RGS7: variants seen among roughly 807,000 people sequenced by gnomAD.
RGS7 encodes regulator of G-protein signaling 7.
A neutral mutation model predicts 81.1 loss-of-function variants in RGS7; 27 were observed. The ratio of observed to expected loss-of-function variants is 0.33; its 90% confidence interval spans 0.25 to 0.46. The LOEUF (loss-of-function observed/expected upper bound fraction) is 0.46. Among genes scored for constraint, RGS7 ranks in the 20% least tolerant of loss-of-function variants. RGS7 has a pLI of 1.00. For missense variants in RGS7, 396 were observed against 607.4 expected (o/e 0.65, Z 3.66); for synonymous variants, 208 against 207.7 (o/e 1.00, Z -0.01).
intron 2 of RGS7, among the ~76,000 whole-genome samples, chr1:241,248,404 A>G (rs144608407): frequency 0.012 from 1,759 of 148,048 alleles, 43 homozygotes; most frequent in African/African-American, 0.036. Context: ...ACATATGTAT[A>G]TATATATACA....
chr1:241,129,388 T>C (rs913493321), intron 2 of RGS7, among the ~76,000 whole-genome samples: 1 of 152,154 alleles, frequency 6.6e-6, no homozygotes, highest in Non-Finnish European at 1.5e-5. Flanking sequence ...TAAGTCAGAT[T>C]CTTTCCGTAT....
At chr1:241,270,523 C>T (rs1205807091) in intron 2 of RGS7, among the ~76,000 whole-genome samples, 1 of 152,210 alleles carries the variant, frequency 6.6e-6, no homozygotes, top group African/African-American at 2.4e-5. Flanking sequence ...AGCCATATTC[C>T]CATGGCTGAC....
intron 2 of RGS7, among the ~76,000 whole-genome samples, chr1:241,118,957 G>A (rs1387103880): frequency 6.6e-6 from 1 of 151,994 alleles, no homozygotes; most frequent in African/African-American, 2.4e-5. Flanking sequence ...TTTGAGCCAC[G>A]GGTATACTAG....
At chr1:241,258,769 A>T (rs1014105372) in intron 2 of RGS7, among the ~76,000 whole-genome samples, 1 of 152,202 alleles carries the variant, frequency 6.6e-6, no homozygotes, top group Non-Finnish European at 1.5e-5. Context: ...TTCAGGAGGG[A>T]AAAACTATTC....
rs143783698 is a variant in RGS7 at position 241,034,151 on chromosome 1, G to A, written c.176-51022C>T. Among the ~76,000 whole-genome samples the A allele has an allele frequency of 1.6e-4, 25 of 152,204 alleles. No individual in the cohort carries two copies. In the East Asian group the frequency reaches 4.4e-3, roughly 27 times the overall value. On this transcript the variant is annotated intron_variant, in intron 3 of 18. Coordinates refer to ENST00000440928, the MANE Select transcript of RGS7 (RefSeq NM_001364886.1). ...ACTTCTATAGAAAGAGGAATCCAAGGGACATAAAAGAAATTAAGATGAGAA... is the reference window on the plus strand; with the variant it reads ...ACTTCTATAGAAAGAGGAATCCAAGAGACATAAAAGAAATTAAGATGAGAA...
chr1:241,011,066 A>G (rs970941280), intron 3 of RGS7, among the ~76,000 whole-genome samples: 2 of 152,178 alleles, frequency 1.3e-5, no homozygotes, highest in African/African-American at 2.4e-5. Flanking sequence ...ATAAAAAGAA[A>G]GTTTGTCTCA....
chr1:241,224,170 A>G (rs2075178008), intron 2 of RGS7, among the ~76,000 whole-genome samples: 1 of 151,988 alleles, frequency 6.6e-6, no homozygotes, highest in South Asian at 2.1e-4. Flanking sequence ...ATAGTTATAC[A>G]CGTGCCTTGG....
intron 3 of RGS7, among the ~76,000 whole-genome samples, chr1:240,989,874 T>G (rs543306616): frequency 6.6e-6 from 1 of 152,224 alleles, no homozygotes; most frequent in East Asian, 1.9e-4. Context: ...AGGGAAAGGA[T>G]GTATTTAGGC....
In RGS7 at chr1:241,346,799, C is replaced by T. The variant is rs112796295; in HGVS notation, c.78+8900G>A. Among the ~76,000 whole-genome samples, 576 of 152,126 alleles carry T rather than the reference C, an allele frequency of 3.8e-3. 3 individuals are homozygous for T. Among genetic ancestry groups the T allele is most frequent in the African/African-American group, 0.013 (548 of 41,486 alleles). ...ACCTGGCACACAGTAAGTAAACACT[C>T]AATAATTAACAATCAACCAAAAGCC... On this transcript the variant is annotated intron_variant, in intron 2 of 18. Coordinates refer to ENST00000440928, the MANE Select transcript of RGS7 (RefSeq NM_001364886.1).
chr1:241,068,238 G>GTGTGTGTGTGTATATATATATATA, intron 3 of RGS7, among the ~76,000 whole-genome samples: 1 of 35,660 alleles, frequency 2.8e-5, no homozygotes, highest in African/African-American at 9.5e-5. Context: ...GTGTGTGTGT[G>GTGTGTGTGTGTATATATATATATA]TATATATATA....
chr1:241,055,205 C>T (rs903324515), intron 3 of RGS7, among the ~76,000 whole-genome samples: 6 of 152,200 alleles, frequency 3.9e-5, no homozygotes, highest in Non-Finnish European at 5.9e-5. Context: ...CCTTTCAATT[C>T]GGACACTATC....
At chr1:241,155,447 T>C (rs560882009) in intron 2 of RGS7, among the ~76,000 whole-genome samples, 16 of 151,656 alleles carry the variant, frequency 1.1e-4, no homozygotes, top group African/African-American at 3.6e-4. Flanking sequence ...TAAATTAGTA[T>C]AGTAGAAGGA....
chr1:241,173,049 TAC>T (rs1181901941), intron 2 of RGS7, among the ~76,000 whole-genome samples: 1 of 152,242 alleles, frequency 6.6e-6, no homozygotes, highest in African/African-American at 2.4e-5. Context: ...GTATCTTCAA[TAC>T]AGTTTCCAAA....
chr1:241,197,832 A>G (rs2073189175), intron 2 of RGS7, among the ~76,000 whole-genome samples: 1 of 86,590 alleles, frequency 1.2e-5, no homozygotes, highest in African/African-American at 6.7e-5. Flanking sequence ...ATAAAAGACC[A>G]AAAAAAAAAA....
At chr1:241,335,081 C>A (rs1198913419) in intron 2 of RGS7, among the ~76,000 whole-genome samples, 8 of 152,178 alleles carry the variant, frequency 5.3e-5, no homozygotes, top group Admixed American at 5.2e-4. Context: ...CAGCAAAAAA[C>A]TGCAGACTGA....
intron 3 of RGS7, among the ~76,000 whole-genome samples, chr1:241,000,914 T>G (rs1183692736): frequency 1.3e-5 from 2 of 151,402 alleles, no homozygotes; most frequent in Non-Finnish European, 2.9e-5. Context: ...GCCTCAGCCT[T>G]CCAAAGTGTT....
chr1:241,161,566 G>A (rs1291944407), intron 2 of RGS7, among the ~76,000 whole-genome samples: 1 of 146,770 alleles, frequency 6.8e-6, no homozygotes, highest in African/African-American at 2.5e-5. Flanking sequence ...CTAATAATGT[G>A]ACCATGACAC....
At chr1:241,318,680 T>C (rs950072370) in intron 2 of RGS7, among the ~76,000 whole-genome samples, 3 of 152,168 alleles carry the variant, frequency 2.0e-5, no homozygotes, top group Non-Finnish European at 4.4e-5. Flanking sequence ...TTCTCCATGT[T>C]GGTCAGGCTG....
chr1:241,139,228 C>G (rs2067744813), intron 2 of RGS7, among the ~76,000 whole-genome samples: 1 of 150,940 alleles, frequency 6.6e-6, no homozygotes, highest in Non-Finnish European at 1.5e-5. Context: ...TCCTTCCTCT[C>G]TCCCTCCCTT....
Sources: gnomAD v4.1 joint callset for allele counts (sites outside exome capture counted in the v4.1 genomes callset) on GRCh38, gnomAD v4.1.1 for gene constraint, MANE v1.5 for transcripts, NCBI Gene and HGNC (gene_info 2026-07-23, HGNC 2026-07-21) for gene names.